The following ASIC2 variants were observed in gnomAD, a reference collection of about 807,000 sequenced individuals.
The protein encoded by ASIC2 is acid sensing ion channel subunit 2.
Under a neutral mutation model 57.3 loss-of-function variants are expected in ASIC2, and 25 were observed. The ratio of observed to expected loss-of-function variants is 0.44; its 90% CI spans 0.32 to 0.61. The LOEUF (loss-of-function observed/expected upper bound fraction) is 0.61, where lower values mean the gene tolerates loss of function less well. Among genes scored for constraint, ASIC2 ranks in the 20% least tolerant of loss-of-function variants. The pLI, the probability that ASIC2 is intolerant of heterozygous loss-of-function variation, is 0.06. For synonymous variants in ASIC2, 319 were observed against 307.5 expected, an observed-to-expected ratio of 1.04 and a Z score of -0.39; for missense variants, 641 against 738.1, an observed-to-expected ratio of 0.87 and a Z score of 1.52.
intron 1 of ASIC2, among the ~76,000 whole-genome samples, chr17:33,656,574 C>T (rs973015250): frequency 7.9e-5 from 12 of 152,146 alleles, no homozygotes; most frequent in Non-Finnish European, 1.6e-4. Context: ...TGCTCTGAGG[C>T]TTTCCATATG....
chr17:33,209,105 A>G (rs17781651), intron 1 of ASIC2, among the ~76,000 whole-genome samples: 42,110 of 152,026 alleles, frequency 0.28, 7,349 homozygotes, highest in Non-Finnish European at 0.4. Flanking sequence ...GAAGAGCCAG[A>G]ACTCAAGCCT....
At chr17:33,455,865 G>C (rs1233812853) in intron 1 of ASIC2, among the ~76,000 whole-genome samples, 1 of 152,214 alleles carries the variant, frequency 6.6e-6, no homozygotes, top group Non-Finnish European at 1.5e-5. Context: ...GCGAATCAAA[G>C]ACTTTGCACA....
rs1362553424 is a variant in ASIC2, at chr17:34,156,683, C to T, written c.-151G>A. On this transcript the variant is annotated 5_prime_UTR_variant, in exon 1 of 10. Coordinates refer to the ASIC2 transcript ENST00000359872. The surrounding 1 kb of genome is among the most constrained non-coding windows in gnomAD (Gnocchi z 4.4). ...GATGCTGTGAGTTTATCCTGAGAGCCCAGCCGCACGCTGACAGGGGTGAGT... is the reference window on the plus strand; with the variant it reads ...GATGCTGTGAGTTTATCCTGAGAGCTCAGCCGCACGCTGACAGGGGTGAGT... The T allele has an allele frequency of 2.6e-6, 2 of 760,596 alleles. No homozygotes were observed. Among genetic ancestry groups the T allele is most frequent in the East Asian group, 5.4e-5 (2 of 36,764 alleles). The allele number at this position is 760,596 out of a possible 1,614,324, so 47.1% of individuals were successfully genotyped here. A position where few individuals can be genotyped will look rare whatever the true frequency, so the allele number is the denominator to read the frequency against.
chr17:33,896,629 G>T (rs913249482), intron 1 of ASIC2, among the ~76,000 whole-genome samples: 1 of 152,224 alleles, frequency 6.6e-6, no homozygotes, highest in Non-Finnish European at 1.5e-5. Context: ...CTGTAGCTTT[G>T]TAAGTTCTGG....
At chr17:33,649,957 G>A (rs905990328) in intron 1 of ASIC2, among the ~76,000 whole-genome samples, 1 of 152,152 alleles carries the variant, frequency 6.6e-6, no homozygotes, top group Non-Finnish European at 1.5e-5. Context: ...GACACTGAAA[G>A]TGTGGTCCGT....
chr17:33,363,559 A>C (rs1013275104), intron 1 of ASIC2, among the ~76,000 whole-genome samples: 2 of 152,232 alleles, frequency 1.3e-5, no homozygotes, highest in African/African-American at 4.8e-5. Context: ...CCTGGGTCAG[A>C]AACCTAGCCC....
At chr17:33,143,046 C>G (rs1199852726) in intron 1 of ASIC2, among the ~76,000 whole-genome samples, 1 of 152,122 alleles carries the variant, frequency 6.6e-6, no homozygotes, top group African/African-American at 2.4e-5. Flanking sequence ...AACATGGGTC[C>G]CAGGGTGACC....
At chr17:33,238,605 T>C (rs998009843) in intron 1 of ASIC2, among the ~76,000 whole-genome samples, 3 of 152,196 alleles carry the variant, frequency 2.0e-5, no homozygotes, top group African/African-American at 7.2e-5. Context: ...CCAGACTCTC[T>C]TCCCTGTTGT....
At chr17:33,643,149 C>G (rs550929964) in intron 1 of ASIC2, among the ~76,000 whole-genome samples, 1 of 10,836 alleles carries the variant, frequency 9.2e-5, no homozygotes, top group African/African-American at 1.0e-3. Context: ...TGCTCATTTC[C>G]CCCCCCCCAC....
intron 3 of ASIC2, among the ~76,000 whole-genome samples, chr17:33,033,202 C>T (rs749623604): frequency 6.6e-6 from 1 of 152,206 alleles, no homozygotes; most frequent in Non-Finnish European, 1.5e-5. Flanking sequence ...TGAGTTAAGA[C>T]TGGAGCTCCC....
intron 1 of ASIC2, among the ~76,000 whole-genome samples, chr17:33,322,784 C>A (rs535780424): frequency 2.6e-5 from 4 of 151,504 alleles, no homozygotes; most frequent in African/African-American, 9.7e-5. Context: ...CTCACCCAGG[C>A]TGGGCACGAG....
intron 3 of ASIC2, among the ~76,000 whole-genome samples, chr17:33,054,808 A>G (rs554731634): frequency 7.9e-5 from 12 of 152,362 alleles, no homozygotes; most frequent in Admixed American, 5.9e-4. Flanking sequence ...GGTGTGATCA[A>G]TTATGCCACG....
intron 1 of ASIC2, among the ~76,000 whole-genome samples, chr17:33,587,055 A>C (rs111469296): frequency 1.3e-5 from 2 of 152,366 alleles, no homozygotes; most frequent in African/African-American, 4.8e-5. Context: ...CTCATGAACC[A>C]AATCCAGCCT....
chr17:34,078,033 G>A (rs1909736566), intron 1 of ASIC2, among the ~76,000 whole-genome samples: 1 of 152,096 alleles, frequency 6.6e-6, no homozygotes, highest in Admixed American at 6.6e-5. Context: ...GGCCCCTACA[G>A]CTTCTGTCCA....
chr17:33,857,831 C>G (rs1344771615), intron 1 of ASIC2, among the ~76,000 whole-genome samples: 1 of 152,206 alleles, frequency 6.6e-6, no homozygotes, highest in African/African-American at 2.4e-5. Flanking sequence ...AGAAAAGTAA[C>G]TAATTCACAA....
intron 1 of ASIC2, among the ~76,000 whole-genome samples, chr17:33,756,808 T>C (rs751912474): frequency 6.6e-6 from 1 of 152,232 alleles, no homozygotes; most frequent in Non-Finnish European, 1.5e-5. Flanking sequence ...AGATGCTGTA[T>C]TGGTTTTCTC....
At chr17:34,064,926 T>C (rs1909113344) in intron 1 of ASIC2, among the ~76,000 whole-genome samples, 1 of 152,234 alleles carries the variant, frequency 6.6e-6, no homozygotes, top group Non-Finnish European at 1.5e-5. Flanking sequence ...TCCACATGGC[T>C]AGTGGGAATG....
chr17:33,381,375 C>A (rs1909483179), intron 1 of ASIC2, among the ~76,000 whole-genome samples: 1 of 152,268 alleles, frequency 6.6e-6, no homozygotes, highest in African/African-American at 2.4e-5. Context: ...GCGCTGCCGC[C>A]TCTGCCTCTC....
intron 1 of ASIC2, among the ~76,000 whole-genome samples, chr17:33,498,944 T>C (rs1914021987): frequency 6.6e-6 from 1 of 152,214 alleles, no homozygotes; most frequent in Non-Finnish European, 1.5e-5. Context: ...TGCATGGTTT[T>C]ACTGGGTTCT....
Sources: gnomAD v4.1 joint callset for allele counts (sites outside exome capture counted in the v4.1 genomes callset) on GRCh38, gnomAD v4.1.1 for gene constraint, Gnocchi (gnomAD v3.1) non-coding constraint, MANE v1.5 for transcripts, NCBI Gene and HGNC (gene_info 2026-07-23, HGNC 2026-07-21) for gene names.